The following ITCH variants were observed in gnomAD, a reference collection of about 807,000 sequenced individuals.
The protein encoded by ITCH is itchy E3 ubiquitin protein ligase.
In ITCH, 28 loss-of-function variants were observed where a neutral mutation model predicts 126.8. The observed-to-expected ratio is 0.22, with a 90% CI of 0.16 to 0.30. The LOEUF is 0.30. Among genes scored for constraint, ITCH ranks in the 10% least tolerant of loss-of-function variants. ITCH has a pLI of 1.00. For synonymous variants in ITCH, 342 were observed against 340.0 expected (o/e 1.01, Z -0.06); for missense variants, 631 against 1,032.4 (o/e 0.61, Z 5.33).
At chr20:34,416,476 C>G (rs1285383644) in intron 6 of ITCH, among the ~76,000 whole-genome samples, 1 of 152,180 alleles carries the variant, frequency 6.6e-6, no homozygotes, top group African/African-American at 2.4e-5. Flanking sequence ...GTTTCACTTT[C>G]ACTCCAAAAA....
intron 23 of ITCH, among the ~76,000 whole-genome samples, chr20:34,497,755 T>C (rs1385655288): frequency 6.6e-6 from 1 of 152,176 alleles, no homozygotes; most frequent in Non-Finnish European, 1.5e-5. Context: ...CTTTCTGTAT[T>C]TTTAGTAGAG....
chr20:34,435,539 C>T (rs1475654155), intron 7 of ITCH, among the ~76,000 whole-genome samples: 1 of 152,080 alleles, frequency 6.6e-6, no homozygotes, highest in Non-Finnish European at 1.5e-5. Context: ...AAACCTCTGA[C>T]CTTTTCTTTA....
chr20:34,393,800 C>T lies in ITCH; in HGVS notation c.-12C>T. 6.2e-7 allele frequency: 1 copy of T among 1,609,292 alleles called. No individual in the cohort carries two copies. The highest frequency in any genetic ancestry group is 1.3e-5 in the African/African-American group (1 of 74,894). Reference sequence around the variant, plus strand: ...CCTTTGCCATGTTCAGGTTTTCCAACCTATTGGTGGTATGTCTGACAGTGG... The same window carrying T: ...CCTTTGCCATGTTCAGGTTTTCCAATCTATTGGTGGTATGTCTGACAGTGG... On this transcript the variant is annotated 5_prime_UTR_variant, in exon 3 of 25. Transcript: ENST00000374864.
At chr20:34,475,501 GA>G (rs1467863683) in intron 16 of ITCH, among the ~76,000 whole-genome samples, 7 of 152,302 alleles carry the variant, frequency 4.6e-5, no homozygotes, top group Admixed American at 4.6e-4. Context: ...AAAAAAATAC[GA>G]AAACCAGTCA....
intron 2 of ITCH, among the ~76,000 whole-genome samples, chr20:34,377,201 C>G (rs1056422459): frequency 6.6e-6 from 1 of 151,972 alleles, no homozygotes; most frequent in African/African-American, 2.4e-5. Context: ...GGCGAAACCT[C>G]GTGTCTACTA....
In ITCH at chr20:34,509,399, G is replaced by C. The variant is rs1323946860; in HGVS notation, c.*1605G>C. The C allele has an allele frequency of 6.6e-6, 1 of 152,472 alleles. No homozygotes were observed. The highest frequency in any genetic ancestry group is 1.5e-5 in the Non-Finnish European group (1 of 68,042). 9.4% of individuals were successfully genotyped at this position (152,472 alleles called of 1,614,324 possible). A position where few individuals can be genotyped will look rare whatever the true frequency, so the allele number is the denominator to read the frequency against. On this transcript the variant is annotated 3_prime_UTR_variant, in exon 25 of 25. Transcript: ENST00000374864. ...AGTAATATTAAGCCAAGAATAAGCA[G>C]CAGAACCCTGTTCCATATGGAAAAA...
intron 4 of ITCH, among the ~76,000 whole-genome samples, chr20:34,410,364 A>ACTCT (rs1263653596): frequency 1.4e-5 from 2 of 144,108 alleles, no homozygotes; most frequent in African/African-American, 5.3e-5. Flanking sequence ...GACAAGTGAA[A>ACTCT]CTCTGTCTCA....
intron 2 of ITCH, among the ~76,000 whole-genome samples, chr20:34,388,468 T>G (rs1003673396): frequency 3.9e-5 from 6 of 152,120 alleles, no homozygotes; most frequent in African/African-American, 1.4e-4. Flanking sequence ...CACTGCAGCC[T>G]CTACCTGCTG....
chr20:34,449,273 A>G (rs970069438), intron 11 of ITCH, 138 bp from the exon 12 acceptor site: 1 of 607,556 alleles, frequency 1.6e-6, no homozygotes, highest in Non-Finnish European at 3.0e-6. Flanking sequence ...GCATTTATCC[A>G]TAACCATGTG....
chr20:34,372,033 G>A (rs988423088), intron 2 of ITCH, among the ~76,000 whole-genome samples: 6 of 151,954 alleles, frequency 3.9e-5, no homozygotes, highest in African/African-American at 7.3e-5. Flanking sequence ...TCGGCCGGCC[G>A]CGGTGGCTCA....
At chr20:34,490,487 G>T (rs146661182) in intron 22 of ITCH, among the ~76,000 whole-genome samples, 1 of 152,042 alleles carries the variant, frequency 6.6e-6, no homozygotes, top group Non-Finnish European at 1.5e-5. Context: ...TGGCTAACAC[G>T]GTGAAATTAG....
chr20:34,473,510 T>TCC (rs1987845303), intron 16 of ITCH, among the ~76,000 whole-genome samples: 1 of 152,204 alleles, frequency 6.6e-6, no homozygotes, highest in Non-Finnish European at 1.5e-5. Flanking sequence ...GCCTGCTCAT[T>TCC]CCCTTCTCCA....
intron 13 of ITCH, 132 bp downstream of exon 13, chr20:34,457,606 G>A (rs2146357061): frequency 1.5e-6 from 1 of 688,696 alleles, no homozygotes; most frequent in East Asian, 2.8e-5. Flanking sequence ...TTTGGAAAGA[G>A]AAAATTATAC....
chr20:34,406,750 G>A (rs2039072203), intron 3 of ITCH, among the ~76,000 whole-genome samples: 1 of 151,932 alleles, frequency 6.6e-6, no homozygotes, highest in Non-Finnish European at 1.5e-5. Flanking sequence ...TAGCCAGGAT[G>A]GTCTCGATCT....
chr20:34,392,469 AT>A (rs1392643156), intron 2 of ITCH, among the ~76,000 whole-genome samples: 1 of 152,148 alleles, frequency 6.6e-6, no homozygotes, highest in Non-Finnish European at 1.5e-5. Context: ...AGTAGGTTGG[AT>A]TTTATAGGGT....
chr20:34,477,446 C>T (rs1988335347), intron 16 of ITCH, among the ~76,000 whole-genome samples: 1 of 152,148 alleles, frequency 6.6e-6, no homozygotes, highest in Admixed American at 6.6e-5. Context: ...AAGAGAATCG[C>T]TTGAACCTGG....
chr20:34,411,595 G>C (rs1031742855), intron 4 of ITCH, among the ~76,000 whole-genome samples: 1 of 152,154 alleles, frequency 6.6e-6, no homozygotes, highest in Non-Finnish European at 1.5e-5. Context: ...ACCCATTGCC[G>C]TTGAAATGGT....
intron 12 of ITCH, among the ~76,000 whole-genome samples, chr20:34,453,639 A>G (rs1395261191): frequency 6.6e-6 from 1 of 152,170 alleles, no homozygotes; most frequent in Non-Finnish European, 1.5e-5. Flanking sequence ...GTGCTCAGCT[A>G]TATACTTAGG....
At chr20:34,363,876 C>T (rs982443932) in intron 1 of ITCH, among the ~76,000 whole-genome samples, 1 of 152,170 alleles carries the variant, frequency 6.6e-6, no homozygotes, top group Admixed American at 6.5e-5. Flanking sequence ...TCCCACTCGC[C>T]TCCTCCTTCC....
Sources: gnomAD v4.1 joint callset for allele counts (sites outside exome capture counted in the v4.1 genomes callset) on GRCh38, gnomAD v4.1.1 for gene constraint, MANE v1.5 for transcripts, NCBI Gene and HGNC (gene_info 2026-07-23, HGNC 2026-07-21) for gene names.